Variants in SV2C observed in about 807,000 individuals in gnomAD.
SV2C encodes the protein synaptic vesicle glycoprotein 2C.
In SV2C, 49 loss-of-function variants were observed where a neutral mutation model predicts 79.7. That is an observed-to-expected ratio of 0.61 (90% CI 0.49 to 0.78). The LOEUF (loss-of-function observed/expected upper bound fraction) is 0.78. SV2C is among the 30% of genes least tolerant of loss of function. SV2C has a pLI of 0.00. For synonymous variants in SV2C, 334 were observed against 333.2 expected (o/e 1.00, Z -0.03); for missense variants, 833 against 912.9 (o/e 0.91, Z 1.13).
rs112731402 is a variant in SV2C, at chr5:76,182,370, G to A, written c.581-12549G>A. On this transcript the variant is annotated intron_variant, in intron 2 of 12. Coordinates refer to ENST00000502798, the MANE Select transcript of SV2C (RefSeq NM_014979.4). ...ACTTCAACTCTTCTTTGCCTCACCT[G>A]TCAGTTTACAACAACTATGGTCTCT... is the stretch of plus-strand genomic sequence containing the variant. Among the ~76,000 whole-genome samples, 170 of 152,224 alleles carry A rather than the reference G, an allele frequency of 1.1e-3. 1 individual carries two copies. Among genetic ancestry groups the A allele is most frequent in the Admixed American group, 2.0e-3 (31 of 15,288 alleles).
At chr5:76,186,145 T>G (rs983086557) in intron 2 of SV2C, among the ~76,000 whole-genome samples, 2 of 152,200 alleles carry the variant, frequency 1.3e-5, no homozygotes, top group Non-Finnish European at 2.9e-5. Context: ...TGGACTTCGT[T>G]GTCCATATCA....
chr5:76,095,052 G>T (rs1194171450), intron 1 of SV2C, among the ~76,000 whole-genome samples: 1 of 151,066 alleles, frequency 6.6e-6, no homozygotes, highest in Non-Finnish European at 1.5e-5. Flanking sequence ...TTCTTTCAAT[G>T]TTTTTTTTCT....
At chr5:76,079,518 C>T (rs1383711688), upstream of SV2C, 3 of 294,288 alleles carry the variant, frequency 1.0e-5, no homozygotes, top group East Asian at 3.0e-4. Flanking sequence ...CCAATCTCCA[C>T]ATCTCTGGAA....
At chr5:76,082,248 G>T (rs1747012188), upstream of SV2C, 1 of 152,238 alleles carries the variant, frequency 6.6e-6, no homozygotes, top group East Asian at 1.9e-4. Context: ...CGGATGGCAG[G>T]GTCTGCGTCG....
the SV2C span, among the ~76,000 whole-genome samples, chr5:76,023,128 C>A: frequency 6.6e-6 from 1 of 152,134 alleles, no homozygotes; most frequent in Non-Finnish European, 1.5e-5. Flanking sequence ...AGGTTCTATT[C>A]TTGGAATAGC....
the SV2C span, chr5:75,920,631 A>AGTGGGTG: frequency 3.6e-6 from 2 of 561,260 alleles, no homozygotes; most frequent in Non-Finnish European, 6.2e-6. Flanking sequence ...CTGCATAGGG[A>AGTGGGTG]GTGGGTGGTG....
chr5:76,255,632 G>A (rs992295365), intron 4 of SV2C, among the ~76,000 whole-genome samples: 12 of 152,154 alleles, frequency 7.9e-5, no homozygotes, highest in South Asian at 2.1e-4. Flanking sequence ...ATCCCAGTCC[G>A]TGGGTTGCCA....
At chr5:76,123,282 G>A (rs775193906) in intron 1 of SV2C, among the ~76,000 whole-genome samples, 77 of 152,124 alleles carry the variant, frequency 5.1e-4, no homozygotes, top group Non-Finnish European at 3.5e-4. Context: ...ATTCACAGCC[G>A]AATTCTACCA....
chr5:76,136,529 GTTT>G (rs10550410), intron 2 of SV2C, among the ~76,000 whole-genome samples: 197 of 147,870 alleles, frequency 1.3e-3, no homozygotes, highest in Non-Finnish European at 2.3e-3. Context: ...AGTGCTTTAT[GTTT>G]TTTTTTTTCT....
the SV2C span, among the ~76,000 whole-genome samples, chr5:75,852,328 T>A: frequency 6.6e-6 from 1 of 151,986 alleles, no homozygotes; most frequent in African/African-American, 2.4e-5. Flanking sequence ...ATTTAAAAAG[T>A]CAATTTACCC....
chr5:75,957,628 A>G, the SV2C span, among the ~76,000 whole-genome samples: 2 of 152,078 alleles, frequency 1.3e-5, no homozygotes, highest in Non-Finnish European at 2.9e-5. Flanking sequence ...GACATTCCAC[A>G]TAACATCAGG....
chr5:76,257,271 GT>G (rs1746304136), intron 4 of SV2C, among the ~76,000 whole-genome samples: 1 of 62,034 alleles, frequency 1.6e-5, no homozygotes, highest in East Asian at 4.3e-4. Context: ...GTATGTGTGT[GT>G]GTGTGTGTGT....
At chr5:76,148,116 T>C (rs1242363318) in intron 2 of SV2C, among the ~76,000 whole-genome samples, 4 of 152,340 alleles carry the variant, frequency 2.6e-5, no homozygotes, top group Non-Finnish European at 5.9e-5. Context: ...AACCGGGCTT[T>C]GGGCCAGATA....
the SV2C span, chr5:75,910,679 A>T: frequency 8.2e-7 from 1 of 1,225,292 alleles, no homozygotes; most frequent in East Asian, 2.4e-5. Context: ...AGACGAGGCC[A>T]AGACTGCCAA....
intron 4 of SV2C, among the ~76,000 whole-genome samples, chr5:76,241,673 C>T (rs11748512): frequency 6.6e-6 from 1 of 150,804 alleles, no homozygotes; most frequent in East Asian, 1.9e-4. Flanking sequence ...GAAAGGGAGA[C>T]GAGGACATAA....
the SV2C span, among the ~76,000 whole-genome samples, chr5:75,858,187 C>T: frequency 1.3e-5 from 2 of 152,102 alleles, no homozygotes; most frequent in Admixed American, 1.3e-4. Flanking sequence ...TATTCCAGGT[C>T]TTACTGGAAA....
chr5:75,852,839 A>AG, the SV2C span, among the ~76,000 whole-genome samples: 1 of 131,338 alleles, frequency 7.6e-6, no homozygotes, highest in Non-Finnish European at 1.7e-5. Context: ...AAAAAAAAAA[A>AG]AAAAGAAAAA....
chr5:76,058,933 C>A, the SV2C span, among the ~76,000 whole-genome samples: 2 of 152,136 alleles, frequency 1.3e-5, no homozygotes, highest in Admixed American at 1.3e-4. Flanking sequence ...TTTAGAGGTA[C>A]TGAATGTTTG....
At chr5:75,911,477 C>T in the SV2C span, 119 of 854,730 alleles carry the variant, frequency 1.4e-4, no homozygotes, top group Non-Finnish European at 2.1e-4. Flanking sequence ...AACATACCCT[C>T]CAGTCCTCCA....
Sources: gnomAD v4.1 joint callset for allele counts (sites outside exome capture counted in the v4.1 genomes callset) on GRCh38, gnomAD v4.1.1 for gene constraint, MANE v1.5 for transcripts, NCBI Gene and HGNC (gene_info 2026-07-23, HGNC 2026-07-21) for gene names.